The following SMCO2 variants were observed in gnomAD, a reference collection of about 807,000 sequenced individuals.
SMCO2 encodes single-pass membrane protein with coiled-coil domains 2.
A neutral mutation model predicts 29.5 loss-of-function variants in SMCO2; 25 were observed. The observed-to-expected ratio is 0.85, with a 90% confidence interval of 0.62 to 1.18. SMCO2 has a LOEUF of 1.18. Ranked by LOEUF, SMCO2 falls within the 50% of genes most tolerant of loss-of-function variation. SMCO2 has a pLI of 0.00. For missense variants in SMCO2, 348 were observed against 344.5 expected (o/e 1.01, Z -0.08); for synonymous variants, 117 against 123.3 (o/e 0.95, Z 0.34).
chr12:27,454,777 C>T, the SMCO2 span, among the ~76,000 whole-genome samples: 2 of 152,152 alleles, frequency 1.3e-5, no homozygotes, highest in African/African-American at 4.8e-5. Flanking sequence ...TTCCTGTGCC[C>T]ATGTGTTCTC....
chr12:27,489,395 T>C (rs1949716829), intron 5 of SMCO2, among the ~76,000 whole-genome samples: 1 of 152,148 alleles, frequency 6.6e-6, no homozygotes, highest in Non-Finnish European at 1.5e-5. Context: ...AGCTGAAAGG[T>C]AGAGATCAAC....
At chr12:27,438,756 CCCCA>C in the SMCO2 span, among the ~76,000 whole-genome samples, 3 of 134,692 alleles carry the variant, frequency 2.2e-5, no homozygotes, top group Admixed American at 7.4e-5. Context: ...TGGCTTCTCC[CCCCA>C]CCCACCCACC....
intron 7 of SMCO2, among the ~76,000 whole-genome samples, chr12:27,501,405 G>A (rs1943073749): frequency 1.0e-5 from 1 of 96,288 alleles, no homozygotes; most frequent in South Asian, 4.5e-4. Context: ...GAAAGAGTGA[G>A]ACTCCGTCTC....
chr12:27,424,720 C>T, the SMCO2 span: 2 of 152,226 alleles, frequency 1.3e-5, no homozygotes, highest in African/African-American at 4.8e-5. Context: ...GAGACTCATA[C>T]TTGCCCAGCA....
intron 5 of SMCO2, among the ~76,000 whole-genome samples, chr12:27,490,201 C>G (rs894851263): frequency 6.6e-6 from 1 of 152,170 alleles, no homozygotes; most frequent in Non-Finnish European, 1.5e-5. Context: ...TTCTGATTGA[C>G]CCAACAACAT....
At chr12:27,455,819 G>T in the SMCO2 span, among the ~76,000 whole-genome samples, 1 of 152,218 alleles carries the variant, frequency 6.6e-6, no homozygotes, top group South Asian at 2.1e-4. Context: ...GAATGAAGAA[G>T]ATGTATGAGA....
At chr12:27,491,940 C>A (rs1379420229) in intron 5 of SMCO2, among the ~76,000 whole-genome samples, 1 of 152,006 alleles carries the variant, frequency 6.6e-6, no homozygotes, top group Non-Finnish European at 1.5e-5. Context: ...GAACTCCCGA[C>A]CTCAAGCGAT....
the SMCO2 span, among the ~76,000 whole-genome samples, chr12:27,428,414 TCTCA>T: frequency 6.6e-6 from 1 of 152,370 alleles, no homozygotes; most frequent in African/African-American, 2.4e-5. Flanking sequence ...GTCAGATTTT[TCTCA>T]CTGTCATAAT....
chr12:27,474,948 T>C, intron 4 of SMCO2, 35 bp downstream of exon 4: 1 of 1,543,388 alleles, frequency 6.5e-7, no homozygotes, highest in Non-Finnish European at 8.7e-7. Context: ...GAGCATTTAA[T>C]AATGTGTGGA....
At chr12:27,435,507 C>G in the SMCO2 span, among the ~76,000 whole-genome samples, 1 of 150,572 alleles carries the variant, frequency 6.6e-6, no homozygotes, top group Admixed American at 6.6e-5. Context: ...TCATCTGATT[C>G]CTATTTTGCT....
the SMCO2 span, among the ~76,000 whole-genome samples, chr12:27,454,779 T>A: frequency 3.3e-5 from 5 of 152,288 alleles, no homozygotes; most frequent in African/African-American, 9.6e-5. Context: ...CCTGTGCCCA[T>A]GTGTTCTCAT....
At chr12:27,457,646 G>A in the SMCO2 span, among the ~76,000 whole-genome samples, 1 of 152,216 alleles carries the variant, frequency 6.6e-6, no homozygotes, top group Non-Finnish European at 1.5e-5. Flanking sequence ...CAACGTGTGG[G>A]CTCAAGTCTT....
the SMCO2 span, among the ~76,000 whole-genome samples, chr12:27,437,448 G>T: frequency 2.7e-5 from 4 of 148,486 alleles, no homozygotes; most frequent in South Asian, 2.2e-4. Flanking sequence ...GCAATTTTGG[G>T]TTTTTTTTTT....
the SMCO2 span, among the ~76,000 whole-genome samples, chr12:27,449,481 T>A: frequency 6.6e-6 from 1 of 152,210 alleles, no homozygotes; most frequent in Admixed American, 6.5e-5. Context: ...AAACTGCTTA[T>A]GGAGGGATCA....
chr12:27,442,454 AACAG>A, the SMCO2 span, among the ~76,000 whole-genome samples: 64 of 152,174 alleles, frequency 4.2e-4, 1 homozygote, highest in Non-Finnish European at 7.2e-4. Context: ...ACCTAGAAGA[AACAG>A]ACAAACTCCA....
the SMCO2 span, among the ~76,000 whole-genome samples, chr12:27,461,199 T>A: frequency 1.3e-5 from 2 of 152,234 alleles, no homozygotes; most frequent in Non-Finnish European, 2.9e-5. Flanking sequence ...TATTATATTG[T>A]ATTGTTCTTA....
chr12:27,452,678 G>A, the SMCO2 span, among the ~76,000 whole-genome samples: 1 of 152,102 alleles, frequency 6.6e-6, no homozygotes, highest in Non-Finnish European at 1.5e-5. Context: ...TTGTAGAATA[G>A]GATCTGACTA....
chr12:27,436,333 C>T, the SMCO2 span, among the ~76,000 whole-genome samples: 4 of 151,556 alleles, frequency 2.6e-5, no homozygotes, highest in East Asian at 3.8e-4. Context: ...TTTGGTTTTA[C>T]CTTATTAATA....
the SMCO2 span, among the ~76,000 whole-genome samples, chr12:27,438,773 C>T: frequency 7.6e-6 from 1 of 131,788 alleles, no homozygotes; most frequent in Non-Finnish European, 1.7e-5. Flanking sequence ...CACCCACCCA[C>T]CATTTCCCCC....
Sources: allele counts gnomAD v4.1 joint callset (sites outside exome capture counted in the v4.1 genomes callset), GRCh38; gene constraint gnomAD v4.1.1; transcripts MANE v1.5; gene names NCBI Gene and HGNC (gene_info 2026-07-23, HGNC 2026-07-21).